SLC22A25: variants seen among roughly 807,000 people sequenced by gnomAD.
The protein encoded by SLC22A25 is solute carrier family 22 member 25, also known as MGI:2442751, MGI:2385316, MGI:3042283, MGI:3645714, MGI:3605624, MGI:2442750.
SLC22A25 carries 44 observed loss-of-function variants against 45.9 expected under a neutral mutation model. That is an observed-to-expected ratio of 0.96 (90% CI 0.75 to 1.23). SLC22A25 has a LOEUF of 1.23. Among genes scored for constraint, SLC22A25 ranks in the 50% most tolerant of loss-of-function variants. The probability of loss-of-function intolerance (pLI) is 0.00; values close to 1 mark genes in which losing one functional copy is unlikely to be tolerated. For missense variants in SLC22A25, 800 were observed against 666.4 expected (o/e 1.20, Z -2.21); for synonymous variants, 283 against 238.6 (o/e 1.19, Z -1.72).
chr11:63,227,167 C>A (rs1451477736), intron 5 of SLC22A25, among the ~76,000 whole-genome samples: 2 of 151,932 alleles, frequency 1.3e-5, no homozygotes, highest in Non-Finnish European at 2.9e-5. Flanking sequence ...AGGTGCAAGA[C>A]AAAGTCCCCT....
intron 7 of SLC22A25, among the ~76,000 whole-genome samples, chr11:63,202,918 A>G (rs973159150): frequency 2.0e-5 from 3 of 152,196 alleles, no homozygotes; most frequent in African/African-American, 7.2e-5. Flanking sequence ...TCCAGCTGGC[A>G]TCTGGCAGGT....
chr11:63,227,087 T>C (rs1305418889), intron 5 of SLC22A25, among the ~76,000 whole-genome samples: 2 of 152,114 alleles, frequency 1.3e-5, no homozygotes, highest in African/African-American at 4.8e-5. Context: ...GCCCAAGAGC[T>C]AAGACCTAGA....
At chr11:63,165,642 AGTGGT>A (rs2087653413) in intron 10 of SLC22A25, among the ~76,000 whole-genome samples, 1 of 152,210 alleles carries the variant, frequency 6.6e-6, no homozygotes, top group Non-Finnish European at 1.5e-5. Context: ...CAGAAGCTGT[AGTGGT>A]AAGAAAGAGC....
rs12785663 is a variant in SLC22A25 at position 63,161,636 on chromosome 11, C to T, written c.*2188G>A. 0.22 allele frequency among the ~76,000 whole-genome samples: 33,120 copies of T among 152,096 alleles called. 4,480 individuals are homozygous for T. The highest frequency in any genetic ancestry group is 0.41 in the East Asian group (2,099 of 5,162). On this transcript the variant is annotated 3_prime_UTR_variant, in exon 12 of 12. Coordinates refer to ENST00000306494, the MANE Select transcript of SLC22A25 (RefSeq NM_199352.6). ...CAAAAATTATCTTTTTGCCTGCTGC[C>T]ATGTAAGACGTGCCTTTCGCCCTCC... is the stretch of plus-strand genomic sequence containing the variant.
At chr11:63,179,183 C>A (rs1264430509) in intron 9 of SLC22A25, among the ~76,000 whole-genome samples, 1 of 152,090 alleles carries the variant, frequency 6.6e-6, no homozygotes, top group Non-Finnish European at 1.5e-5. Context: ...TCTTGAACTC[C>A]TGACCTCAGG....
chr11:63,228,874 C>T (rs2090014580), intron 4 of SLC22A25, among the ~76,000 whole-genome samples: 1 of 152,168 alleles, frequency 6.6e-6, no homozygotes, highest in Non-Finnish European at 1.5e-5. Flanking sequence ...CCTAGACTTT[C>T]TCATATGATT....
At chr11:63,229,114 A>T in intron 4 of SLC22A25, 137 bp downstream of exon 4, 1 of 888,758 alleles carries the variant, frequency 1.1e-6, no homozygotes, top group South Asian at 3.1e-5. Flanking sequence ...GGCATTCAGT[A>T]GAGAAGCAAT....
chr11:63,228,646 GT>G lies in SLC22A25; in HGVS notation c.403-83del. The G allele has an allele frequency of 5.9e-6, 6 of 1,016,558 alleles. No homozygotes were observed. The East Asian group carries it at 1.0e-4, about 17-fold the overall frequency. The allele number at this position is 1,016,558 out of a possible 1,614,324, so 63.0% of individuals were successfully genotyped here. A position where few individuals can be genotyped will look rare whatever the true frequency, so the allele number is the denominator to read the frequency against. On this transcript the variant is annotated intron_variant, in intron 4 of 11. Coordinates refer to ENST00000306494, the MANE Select transcript of SLC22A25 (RefSeq NM_199352.6). Reference sequence around the variant, plus strand: ...CAAAATGTCTTAAAATAGCCTGCAAGTTTCATTCTATCTTCCTCCCTAGCTT... The same window carrying G: ...CAAAATGTCTTAAAATAGCCTGCAAGTTCATTCTATCTTCCTCCCTAGCTT...
intron 1 of SLC22A25, among the ~76,000 whole-genome samples, chr11:63,242,198 CT>C (rs1203674252): frequency 6.6e-6 from 1 of 152,166 alleles, no homozygotes; most frequent in Non-Finnish European, 1.5e-5. Context: ...CCCTCCACCC[CT>C]GGATTCTACT....
chr11:63,242,756 G>A (rs148148629), intron 1 of SLC22A25, among the ~76,000 whole-genome samples: 1 of 152,280 alleles, frequency 6.6e-6, no homozygotes, highest in East Asian at 1.9e-4. Flanking sequence ...TGATCCCTAT[G>A]TTGCTGCCTT....
rs942729772 is a variant in SLC22A25, at chr11:63,160,633, T to C, written c.*3191A>G. 2.6e-5 allele frequency among the ~76,000 whole-genome samples: 4 copies of C among 151,758 alleles called. No individual in the cohort carries two copies. The highest frequency in any genetic ancestry group is 5.9e-5 in the Non-Finnish European group (4 of 67,954). On this transcript the variant is annotated 3_prime_UTR_variant, in exon 12 of 12. Transcript: ENST00000306494. Reference sequence around the variant, plus strand: ...GCTTAGTGGAGCTGTGAGAAGAGGGTCTTCGACCTCCAGACCCCAGAATTG... The same window carrying C: ...GCTTAGTGGAGCTGTGAGAAGAGGGCCTTCGACCTCCAGACCCCAGAATTG...
At chr11:63,225,520 G>A (rs2089943690) in intron 5 of SLC22A25, among the ~76,000 whole-genome samples, 1 of 152,132 alleles carries the variant, frequency 6.6e-6, no homozygotes, top group African/African-American at 2.4e-5. Context: ...GTCTCCATTG[G>A]ATGTTATTTG....
intron 9 of SLC22A25, chr11:63,166,543 A>G: frequency 6.3e-6 from 7 of 1,118,658 alleles, no homozygotes; most frequent in Non-Finnish European, 7.6e-6. Flanking sequence ...AGTATTCTAA[A>G]ACCAATGTAG....
intron 3 of SLC22A25, among the ~76,000 whole-genome samples, chr11:63,234,592 A>G (rs1486535533): frequency 1.3e-5 from 2 of 152,104 alleles, no homozygotes; most frequent in African/African-American, 4.8e-5. Context: ...TCTTTATCCA[A>G]TTTGCCAGTC....
chr11:63,219,791 T>C (rs758456414), intron 5 of SLC22A25: 1 of 591,870 alleles, frequency 1.7e-6, no homozygotes, highest in Non-Finnish European at 2.7e-6. Context: ...CTATGATCCA[T>C]TAAAATTGGT....
intron 7 of SLC22A25, among the ~76,000 whole-genome samples, chr11:63,193,528 A>G (rs533067078): frequency 1.3e-4 from 20 of 152,362 alleles, no homozygotes; most frequent in African/African-American, 4.6e-4. Context: ...CAGGGTCTGG[A>G]GTGGACCTCC....
chr11:63,159,269 T>C lies in SLC22A25; in HGVS notation c.*4555A>G, dbSNP rs568840033. On this transcript the variant is annotated 3_prime_UTR_variant, in exon 12 of 12. Coordinates refer to ENST00000306494, the MANE Select transcript of SLC22A25 (RefSeq NM_199352.6). ...ACTTATTTCCTTTCTTTTGGGTATA[T>C]GCCTTTGATATGATTTGGCTGCACC... Among the ~76,000 whole-genome samples the C allele has an allele frequency of 6.6e-6, 1 of 152,198 alleles. No homozygotes were observed. Among genetic ancestry groups the C allele is most frequent in the Admixed American group, 6.5e-5 (1 of 15,280 alleles).
Position 63,217,721 on chromosome 11 carries a change from A to T in SLC22A25, c.521T>A (p.Phe174Tyr). The change falls in exon 6 of 12, where the codon TTC (phenylalanine) becomes TAC (tyrosine). Residue 174 changes from phenylalanine to tyrosine, a missense_variant. Phe to Tyr is a conservative substitution (Grantham distance 22, BLOSUM62 3). Coordinates refer to ENST00000306494, the MANE Select transcript of SLC22A25 (RefSeq NM_199352.6). ...CTGGAGGTAAGACCATCTGAGCACGAACTTTCTCCCAAACCTGAGAAACAG... is the reference window on the plus strand; with the variant it reads ...CTGGAGGTAAGACCATCTGAGCACGTACTTTCTCCCAAACCTGAGAAACAG... ...GHLSDRFGRK[F>Y]VLRWSYLQLA... is the part of the protein sequence containing the mutation. The T allele has an allele frequency of 6.2e-7, 1 of 1,608,108 alleles. No homozygotes were observed. The highest frequency in any genetic ancestry group is 8.5e-7 in the Non-Finnish European group (1 of 1,178,522).
chr11:63,215,992 A>G (rs2089700177), intron 7 of SLC22A25, among the ~76,000 whole-genome samples: 1 of 152,130 alleles, frequency 6.6e-6, no homozygotes, highest in Non-Finnish European at 1.5e-5. Flanking sequence ...TAAGTACCAC[A>G]TTTTCATTAA....
Sources: allele counts gnomAD v4.1 joint callset (sites outside exome capture counted in the v4.1 genomes callset), GRCh38; gene constraint gnomAD v4.1.1; transcripts MANE v1.5; gene names NCBI Gene and HGNC (gene_info 2026-07-23, HGNC 2026-07-21).